ZBTB40: variants seen among roughly 807,000 people sequenced by gnomAD.
ZBTB40 encodes the protein zinc finger and BTB domain-containing protein 40.
Under a neutral mutation model 117.5 loss-of-function variants are expected in ZBTB40, and 60 were observed. The ratio of observed to expected loss-of-function variants is 0.51; its 90% CI spans 0.41 to 0.63. The LOEUF is 0.63. ZBTB40 is among the 30% of genes least tolerant of loss of function. The pLI is 0.00. For synonymous variants in ZBTB40, 525 were observed against 577.1 expected (o/e 0.91, Z 1.29); for missense variants, 1,287 against 1,498.5 (o/e 0.86, Z 2.33).
At chr1:22,500,609 G>A (rs1638901969) in intron 3 of ZBTB40, among the ~76,000 whole-genome samples, 1 of 152,214 alleles carries the variant, frequency 6.6e-6, no homozygotes, top group African/African-American at 2.4e-5. Flanking sequence ...TGCTGAAATC[G>A]GAAGAGAATT....
At chr1:22,446,880 A>T (rs1640795471), upstream of ZBTB40, among the ~76,000 whole-genome samples, 1 of 152,120 alleles carries the variant, frequency 6.6e-6, no homozygotes, top group South Asian at 2.1e-4. Context: ...AGGCAAGCAG[A>T]CCCCTTGAGT....
intron 1 of ZBTB40, among the ~76,000 whole-genome samples, chr1:22,445,165 C>A (rs903138160): frequency 6.6e-6 from 1 of 152,198 alleles, no homozygotes; most frequent in African/African-American, 2.4e-5. Context: ...TCATGTCTGA[C>A]AAACTACCTA....
At chr1:22,456,521 GT>G (rs1641008413) in intron 1 of ZBTB40, among the ~76,000 whole-genome samples, 1 of 152,162 alleles carries the variant, frequency 6.6e-6, no homozygotes, top group Non-Finnish European at 1.5e-5. Flanking sequence ...GAGAGAGCCA[GT>G]TACTTTAATC....
At chr1:22,508,367 A>T (rs1458801378) in intron 7 of ZBTB40, among the ~76,000 whole-genome samples, 163 bp from the exon 8 acceptor site, 1 of 152,184 alleles carries the variant, frequency 6.6e-6, no homozygotes, top group Non-Finnish European at 1.5e-5. Context: ...AGAAATGAAG[A>T]ACTTTGTCAT....
At chr1:22,499,407 CAG>C (rs1638866112) in intron 3 of ZBTB40, among the ~76,000 whole-genome samples, 1 of 152,180 alleles carries the variant, frequency 6.6e-6, no homozygotes, top group African/African-American at 2.4e-5. Flanking sequence ...CATGAATACC[CAG>C]AGTCAGGTAT....
intron 1 of ZBTB40, among the ~76,000 whole-genome samples, chr1:22,461,861 G>T (rs960396723): frequency 3.3e-5 from 5 of 152,042 alleles, no homozygotes; most frequent in Non-Finnish European, 7.4e-5. Context: ...AAGGTCATTC[G>T]GCTGAGCTCA....
In ZBTB40 at chr1:22,454,354, A is replaced by G. The variant is rs78162769; in HGVS notation, c.-70+2350A>G. On this transcript the variant is annotated intron_variant, in intron 1 of 17. Transcript: ENST00000375647. ...GACCTGGGGCTCTGTTCTGGAAGCT[A>G]AAGCCTAGTGTCAAGACAGTAAAGA... Among the ~76,000 whole-genome samples, 1,515 of 152,332 alleles carry G rather than the reference A, an allele frequency of 9.9e-3. 19 individuals carry two copies. The highest frequency in any genetic ancestry group is 0.035 in the South Asian group (171 of 4,832).
At chr1:22,476,901 C>T (rs1380748118) in intron 1 of ZBTB40, among the ~76,000 whole-genome samples, 4 of 152,166 alleles carry the variant, frequency 2.6e-5, no homozygotes, top group Non-Finnish European at 5.9e-5. Context: ...TTCGAGATTC[C>T]AACATGCAGT....
At chr1:22,473,428 G>T (rs1398045413) in intron 1 of ZBTB40, among the ~76,000 whole-genome samples, 2 of 152,158 alleles carry the variant, frequency 1.3e-5, no homozygotes, top group Non-Finnish European at 2.9e-5. Flanking sequence ...TTGTAAATTG[G>T]GTTTAACTGT....
chr1:22,458,025 A>G (rs965132771), intron 1 of ZBTB40, among the ~76,000 whole-genome samples: 28 of 152,372 alleles, frequency 1.8e-4, no homozygotes, highest in African/African-American at 6.0e-4. Flanking sequence ...TGCCAAAGGC[A>G]GAAACCTGGG....
At chr1:22,521,921 TC>T in intron 15 of ZBTB40, among the ~76,000 whole-genome samples, 1 of 152,208 alleles carries the variant, frequency 6.6e-6, no homozygotes, top group Non-Finnish European at 1.5e-5. Flanking sequence ...GGGAAGGGTG[TC>T]AGCCTCAGTG....
chr1:22,453,500 C>T (rs114676878), intron 1 of ZBTB40, among the ~76,000 whole-genome samples: 8 of 152,214 alleles, frequency 5.3e-5, no homozygotes, highest in Non-Finnish European at 8.8e-5. Context: ...TACAGGTAGA[C>T]AAAGATAATT....
chr1:22,445,320 T>C (rs1280283953), intron 1 of ZBTB40, among the ~76,000 whole-genome samples: 1 of 152,114 alleles, frequency 6.6e-6, no homozygotes, highest in Non-Finnish European at 1.5e-5. Flanking sequence ...AAATATCCAA[T>C]TCCAGCCCAC....
chr1:22,448,709 A>C (rs1640818040), upstream of ZBTB40, among the ~76,000 whole-genome samples: 1 of 152,162 alleles, frequency 6.6e-6, no homozygotes. Flanking sequence ...TAAATGAGAT[A>C]ATTTAATTAA....
chr1:22,471,851 C>T (rs1021114153), intron 1 of ZBTB40, among the ~76,000 whole-genome samples: 2 of 152,210 alleles, frequency 1.3e-5, no homozygotes, highest in Non-Finnish European at 2.9e-5. Flanking sequence ...CCACACACCA[C>T]GTAGGCCCAC....
chr1:22,502,211 T>G (rs1008866975), intron 4 of ZBTB40, 88 bp from the exon 5 acceptor site: 4 of 1,479,770 alleles, frequency 2.7e-6, no homozygotes, highest in Non-Finnish European at 3.7e-6. Flanking sequence ...ACTTTACTAT[T>G]CTGTTAGATC....
At chr1:22,474,818 GT>G (rs1020124114) in intron 1 of ZBTB40, among the ~76,000 whole-genome samples, 1 of 152,076 alleles carries the variant, frequency 6.6e-6, no homozygotes, top group African/African-American at 2.4e-5. Flanking sequence ...ATGAACTTCT[GT>G]TCGGTGAAAG....
chr1:22,480,386 C>T (rs1638257791), intron 1 of ZBTB40, among the ~76,000 whole-genome samples: 1 of 152,030 alleles, frequency 6.6e-6, no homozygotes, highest in African/African-American at 2.4e-5. Context: ...AAGTCTTTGC[C>T]TTCTGTTTCA....
chr1:22,500,018 T>TA (rs1638884447), intron 3 of ZBTB40, among the ~76,000 whole-genome samples: 4 of 152,176 alleles, frequency 2.6e-5, no homozygotes, highest in African/African-American at 9.7e-5. Context: ...ATCTTGACAC[T>TA]AAAAAACATC....
Sources: allele counts gnomAD v4.1 joint callset (sites outside exome capture counted in the v4.1 genomes callset), GRCh38; gene constraint gnomAD v4.1.1; transcripts MANE v1.5; gene names NCBI Gene and HGNC (gene_info 2026-07-23, HGNC 2026-07-21).